Variants in ANO4 observed in about 807,000 individuals in gnomAD.
ANO4 encodes anoctamin-4.
In ANO4, 69 loss-of-function variants were observed where a neutral mutation model predicts 141.9. The observed-to-expected ratio is 0.49, with a 90% CI of 0.40 to 0.59. The LOEUF (loss-of-function observed/expected upper bound fraction) is 0.59. Ranked by LOEUF, ANO4 falls within the 20% of genes least tolerant of loss-of-function variation. The pLI, the probability that ANO4 is intolerant of heterozygous loss-of-function variation, is 0.00. For missense variants in ANO4, 894 were observed against 1,162.2 expected, an observed-to-expected ratio of 0.77 and a Z score of 3.36; for synonymous variants, 350 against 394.3, an observed-to-expected ratio of 0.89 and a Z score of 1.33.
chr12:100,794,058 C>T (rs2034157677), upstream of ANO4, among the ~76,000 whole-genome samples: 2 of 152,132 alleles, frequency 1.3e-5, no homozygotes, highest in Admixed American at 1.3e-4. Flanking sequence ...CAGAAGCTCA[C>T]CTCTAACAAT....
At chr12:100,767,958 C>T (rs1238538181) in intron 3 of ANO4, among the ~76,000 whole-genome samples, 1 of 151,912 alleles carries the variant, frequency 6.6e-6, no homozygotes, top group African/African-American at 2.4e-5. Flanking sequence ...GTGGGGCAAG[C>T]CTGGACCCTG....
rs372004015 is a variant in ANO4 at position 100,970,663 on chromosome 12, C to CGCCTGCCT, written c.457-643_457-642insGCCTGCCT. On this transcript the variant is annotated intron_variant, in intron 5 of 27. Transcript: ENST00000392977. ...TCCCTTCCTCCCTCCCTCCCTCCCT[C>CGCCTGCCT]TCCTTCCTTCCTTCCTTCCTTCCTT... is the stretch of plus-strand genomic sequence containing the variant. Among the ~76,000 whole-genome samples, 205 of 91,750 alleles carry CGCCTGCCT rather than the reference C, an allele frequency of 2.2e-3. 7 individuals are homozygous for CGCCTGCCT. Among genetic ancestry groups the CGCCTGCCT allele is most frequent in the Middle Eastern group, 0.011 (2 of 174 alleles). 60.2% of individuals were successfully genotyped at this position (91,750 alleles called of 152,430 possible).
chr12:101,117,863 G>A (rs2050917626), intron 25 of ANO4, among the ~76,000 whole-genome samples: 1 of 152,144 alleles, frequency 6.6e-6, no homozygotes, highest in East Asian at 1.9e-4. Context: ...GAAGGTGAAG[G>A]TGAGAGAAGC....
At chr12:100,859,535 C>T (rs1315792987) in intron 1 of ANO4, among the ~76,000 whole-genome samples, 1 of 152,100 alleles carries the variant, frequency 6.6e-6, no homozygotes, top group Non-Finnish European at 1.5e-5. Context: ...TGTATAATCT[C>T]ATGTAGTTAA....
chr12:100,919,748 C>G (rs143735628), intron 2 of ANO4, among the ~76,000 whole-genome samples: 2,453 of 144,614 alleles, frequency 0.017, 83 homozygotes, highest in African/African-American at 0.06. Context: ...ATCTATCTAT[C>G]TATCTATCTA....
intron 14 of ANO4, among the ~76,000 whole-genome samples, chr12:101,072,074 A>G (rs1293503819): frequency 6.6e-6 from 1 of 152,166 alleles, no homozygotes; most frequent in Non-Finnish European, 1.5e-5. Flanking sequence ...GTTAGCTGCT[A>G]TAATACACAA....
chr12:101,050,033 G>A (rs990390619), intron 14 of ANO4, among the ~76,000 whole-genome samples: 1 of 152,022 alleles, frequency 6.6e-6, no homozygotes, highest in African/African-American at 2.4e-5. Flanking sequence ...CAGGAGGGAG[G>A]GAGAAAAAGA....
chr12:100,863,354 T>C (rs1267947259), intron 1 of ANO4, among the ~76,000 whole-genome samples: 1 of 152,170 alleles, frequency 6.6e-6, no homozygotes, highest in East Asian at 1.9e-4. Flanking sequence ...CAGTTAGACA[T>C]CTGTTAGATA....
chr12:100,966,792 C>G (rs557302916), intron 5 of ANO4, among the ~76,000 whole-genome samples: 15 of 151,442 alleles, frequency 9.9e-5, no homozygotes, highest in African/African-American at 3.6e-4. Context: ...TATACACACA[C>G]ATGTATATAT....
chr12:101,110,856 T>A (rs1313775761), intron 23 of ANO4, among the ~76,000 whole-genome samples: 1 of 152,222 alleles, frequency 6.6e-6, no homozygotes, highest in African/African-American at 2.4e-5. Flanking sequence ...ATATCCTTTT[T>A]AAAATAGATC....
At chr12:101,103,183 TTATATATATATATATATATA>T (rs71091476) in intron 22 of ANO4, among the ~76,000 whole-genome samples, 2 of 18,582 alleles carry the variant, frequency 1.1e-4, no homozygotes, top group Admixed American at 7.7e-4. Context: ...TTTAGTCATT[TTATATATATATATATATATA>T]TATATATATA....
At chr12:100,977,547 G>A (rs2044252393) in intron 7 of ANO4, among the ~76,000 whole-genome samples, 1 of 151,988 alleles carries the variant, frequency 6.6e-6, no homozygotes, top group Non-Finnish European at 1.5e-5. Flanking sequence ...AAAACCTAAG[G>A]GTCATTTTGG....
At chr12:101,126,087 T>G (rs1466254000) in intron 26 of ANO4, among the ~76,000 whole-genome samples, 1 of 152,244 alleles carries the variant, frequency 6.6e-6, no homozygotes, top group Non-Finnish European at 1.5e-5. Context: ...ATTTTGTTAT[T>G]AACTATTTGA....
intron 2 of ANO4, chr12:100,733,898 A>G: frequency 1.5e-6 from 1 of 674,114 alleles, no homozygotes; most frequent in Non-Finnish European, 2.7e-6. Flanking sequence ...AAAAAATATT[A>G]TTGCCTGGAA....
At chr12:100,915,404 A>G (rs2041291908) in intron 2 of ANO4, among the ~76,000 whole-genome samples, 2 of 152,206 alleles carry the variant, frequency 1.3e-5, no homozygotes, top group South Asian at 4.1e-4. Flanking sequence ...ATATAAATAG[A>G]ATGTAGACAG....
At chr12:101,016,810 C>T (rs1226711347) in intron 8 of ANO4, among the ~76,000 whole-genome samples, 1 of 152,178 alleles carries the variant, frequency 6.6e-6, no homozygotes, top group East Asian at 1.9e-4. Context: ...CTCAGCACTG[C>T]GTGTCATCTC....
intron 1 of ANO4, among the ~76,000 whole-genome samples, chr12:100,855,708 A>T (rs2038128841): frequency 1.3e-5 from 2 of 152,196 alleles, no homozygotes; most frequent in Non-Finnish European, 2.9e-5. Context: ...ATTCTTAACC[A>T]TGCATTGCCA....
At chr12:100,906,329 C>T (rs371164128) in intron 2 of ANO4, among the ~76,000 whole-genome samples, 11 of 152,176 alleles carry the variant, frequency 7.2e-5, no homozygotes, top group South Asian at 2.1e-4. Context: ...TAAGATCAAT[C>T]GGTTGAAATT....
At chr12:100,958,938 A>T (rs982331691) in intron 5 of ANO4, among the ~76,000 whole-genome samples, 6 of 152,196 alleles carry the variant, frequency 3.9e-5, no homozygotes, top group African/African-American at 1.4e-4. Flanking sequence ...GCACTAAGGG[A>T]AAAGGATAGT....
Sources: allele counts gnomAD v4.1 joint callset (sites outside exome capture counted in the v4.1 genomes callset), GRCh38; gene constraint gnomAD v4.1.1; transcripts MANE v1.5; gene names NCBI Gene and HGNC (gene_info 2026-07-23, HGNC 2026-07-21).